MGMT: variants seen among roughly 807,000 people sequenced by gnomAD.
MGMT encodes O-6-methylguanine-DNA methyltransferase.
Under a neutral mutation model 15.9 loss-of-function variants are expected in MGMT, and 14 were observed. The ratio of observed to expected loss-of-function variants is 0.88; its 90% CI spans 0.58 to 1.37. MGMT has a LOEUF of 1.37. Ranked by LOEUF, MGMT falls within the 40% of genes most tolerant of loss-of-function variation. MGMT has a pLI of 0.00. For synonymous variants in MGMT, 130 were observed against 118.2 expected (o/e 1.10, Z -0.65); for missense variants, 282 against 268.1 (o/e 1.05, Z -0.36).
intron 2 of MGMT, among the ~76,000 whole-genome samples, chr10:129,681,201 A>T (rs1847848763): frequency 6.6e-6 from 1 of 152,202 alleles, no homozygotes; most frequent in Non-Finnish European, 1.5e-5. Flanking sequence ...GGACACTTCC[A>T]TGTCACTCCA....
chr10:129,537,577 T>TG (rs1381169639), intron 2 of MGMT, among the ~76,000 whole-genome samples: 16 of 151,974 alleles, frequency 1.1e-4, no homozygotes, highest in African/African-American at 3.9e-4. Flanking sequence ...TTTTTTCTTT[T>TG]GGGAAAAAGG....
intron 3 of MGMT, among the ~76,000 whole-genome samples, chr10:129,712,801 A>T (rs924415350): frequency 3.3e-5 from 5 of 152,116 alleles, no homozygotes; most frequent in African/African-American, 4.8e-5. Flanking sequence ...AGAGCCAAGC[A>T]AAGGCTCATC....
chr10:129,629,597 C>A (rs867652667), intron 2 of MGMT, among the ~76,000 whole-genome samples: 1 of 152,208 alleles, frequency 6.6e-6, no homozygotes, highest in Non-Finnish European at 1.5e-5. Context: ...ACCTCGGCAC[C>A]TTCGCGTTGA....
chr10:129,656,971 G>A (rs7080419), intron 2 of MGMT, among the ~76,000 whole-genome samples: 80,980 of 151,826 alleles, frequency 0.53, 22,765 homozygotes, highest in African/African-American at 0.72. Flanking sequence ...CACGCAGAAG[G>A]CAGCGAAAAT....
chr10:129,752,261 T>A (rs1848757866), intron 3 of MGMT, among the ~76,000 whole-genome samples: 1 of 152,004 alleles, frequency 6.6e-6, no homozygotes, highest in Admixed American at 6.5e-5. Flanking sequence ...CTCTGGGAAT[T>A]TTATTTGTTC....
intron 3 of MGMT, among the ~76,000 whole-genome samples, chr10:129,733,877 C>T (rs915460532): frequency 9.9e-5 from 15 of 151,978 alleles, no homozygotes; most frequent in East Asian, 7.8e-4. Flanking sequence ...TGTAGATATG[C>T]GGCGTTATTT....
intron 1 of MGMT, among the ~76,000 whole-genome samples, chr10:129,496,702 G>GA (rs1845525520): frequency 6.6e-6 from 1 of 151,982 alleles, no homozygotes; most frequent in East Asian, 1.9e-4. Flanking sequence ...AGGTTCCTGG[G>GA]AAAAAAATAC....
At chr10:129,745,249 A>T (rs1848680518) in intron 3 of MGMT, among the ~76,000 whole-genome samples, 1 of 152,100 alleles carries the variant, frequency 6.6e-6, no homozygotes. Flanking sequence ...TTATTTTTTA[A>T]ATTAACATGT....
At chr10:129,718,951 G>T (rs1304771462) in intron 3 of MGMT, among the ~76,000 whole-genome samples, 1 of 151,872 alleles carries the variant, frequency 6.6e-6, no homozygotes, top group Non-Finnish European at 1.5e-5. Context: ...TTCCGCTCAG[G>T]TGTGTCCCCT....
At chr10:129,625,255 C>T (rs1314394991) in intron 2 of MGMT, among the ~76,000 whole-genome samples, 1 of 152,104 alleles carries the variant, frequency 6.6e-6, no homozygotes, top group African/African-American at 2.4e-5. Context: ...TAGGCCCATA[C>T]AGCTTCACTG....
At chr10:129,703,454 C>T (rs12783998) in intron 2 of MGMT, among the ~76,000 whole-genome samples, 5,315 of 152,256 alleles carry the variant, frequency 0.035, 141 homozygotes, top group Non-Finnish European at 0.049. Context: ...CCTCCCAGCT[C>T]TCGTGGTAGA....
At chr10:129,550,735 C>T (rs1365797728) in intron 2 of MGMT, among the ~76,000 whole-genome samples, 2 of 152,130 alleles carry the variant, frequency 1.3e-5, no homozygotes, top group African/African-American at 2.4e-5. Context: ...CGTGAGCCAC[C>T]GTGCCTGGCT....
intron 2 of MGMT, among the ~76,000 whole-genome samples, chr10:129,626,629 C>T (rs572753504): frequency 2.4e-4 from 36 of 152,288 alleles, no homozygotes; most frequent in African/African-American, 8.7e-4. Flanking sequence ...GTTCTGCATG[C>T]CCAGGGCCGT....
chr10:129,499,129 C>A (rs1217773170), intron 1 of MGMT, among the ~76,000 whole-genome samples: 1 of 152,136 alleles, frequency 6.6e-6, no homozygotes. Flanking sequence ...CTGGTAAAAC[C>A]TGTGTCATTG....
intron 4 of MGMT, among the ~76,000 whole-genome samples, chr10:129,763,702 A>C (rs1287696481): frequency 6.6e-6 from 1 of 152,234 alleles, no homozygotes; most frequent in East Asian, 1.9e-4. Flanking sequence ...ATCAGTCAAA[A>C]ACGTGAATTG....
At chr10:129,607,596 A>C (rs1846907352) in intron 2 of MGMT, among the ~76,000 whole-genome samples, 1 of 152,146 alleles carries the variant, frequency 6.6e-6, no homozygotes, top group South Asian at 2.1e-4. Flanking sequence ...GAAGGTCAGG[A>C]CCTCACACTG....
intron 2 of MGMT, among the ~76,000 whole-genome samples, chr10:129,695,243 G>A (rs755114963): frequency 7.2e-4 from 109 of 152,182 alleles, no homozygotes; most frequent in Non-Finnish European, 1.9e-4. Flanking sequence ...AAAAACAAGG[G>A]CTTTCTATGA....
chr10:129,714,339 G>A (rs528417969), intron 3 of MGMT, among the ~76,000 whole-genome samples: 1 of 152,366 alleles, frequency 6.6e-6, no homozygotes, highest in East Asian at 1.9e-4. Context: ...TGAATATGCA[G>A]TTTCCTACCT....
At chr10:129,608,256 G>C (rs1359991189) in intron 2 of MGMT, among the ~76,000 whole-genome samples, 1 of 152,234 alleles carries the variant, frequency 6.6e-6, no homozygotes, top group Non-Finnish European at 1.5e-5. Context: ...ACAGAAGAAT[G>C]CGTAGCCCGG....
Sources: allele counts gnomAD v4.1 joint callset (sites outside exome capture counted in the v4.1 genomes callset), GRCh38; gene constraint gnomAD v4.1.1; transcripts MANE v1.5; gene names NCBI Gene and HGNC (gene_info 2026-07-23, HGNC 2026-07-21).